Variants in DYNLL2 observed in about 807,000 individuals in gnomAD.
The protein encoded by DYNLL2 is dynein light chain LC8-type 2.
Under a neutral mutation model 9.7 loss-of-function variants are expected in DYNLL2, and 1 was observed. The observed-to-expected ratio is 0.10, with a 90% CI of 0.04 to 0.49. The LOEUF is 0.49. DYNLL2 is among the 20% of genes least tolerant of loss of function. DYNLL2 has a pLI of 0.95. For missense variants in DYNLL2, 37 were observed against 115.2 expected, an observed-to-expected ratio of 0.32 and a Z score of 3.11; for synonymous variants, 35 against 40.5, an observed-to-expected ratio of 0.86 and a Z score of 0.52.
chr17:58,087,212 A>G lies in DYNLL2; in HGVS notation c.122A>G (p.Tyr41Cys), dbSNP rs769699527. The part of the protein sequence containing the change: ...KYNIEKDIAA[Y>C]IKKEFDKKYN... ...AATATAGAGAAGGACATTGCTGCCT[A>G]TATCAAGAAGGTGTGCTGGGAGAGC... The change falls in exon 2 of 3, where the codon TAT (tyrosine) becomes TGT (cysteine). Residue 41 changes from tyrosine to cysteine, a missense_variant. Physicochemically the swap from Tyr to Cys is radical, Grantham distance 194 (BLOSUM62 -2). Transcript: ENST00000579991. 2.5e-6 allele frequency: 4 copies of G among 1,613,986 alleles called. No individual in the cohort carries two copies. The highest frequency in any genetic ancestry group is 2.5e-6 in the Non-Finnish European group (3 of 1,179,966).
At chr17:58,086,992 C>T (rs2075762450) in intron 1 of DYNLL2, 90 bp from the exon 2 acceptor site, 11 of 1,495,654 alleles carry the variant, frequency 7.4e-6, no homozygotes, top group South Asian at 1.2e-5. Context: ...TTCTATACTC[C>T]CCTCTTGCAC....
At position 58,089,728 on chromosome 17, in the gene DYNLL2, G is replaced by A. The variant is rs1193199615; in HGVS notation, c.*449G>A. 1 of 406,402 alleles carries A rather than the reference G, an allele frequency of 2.5e-6. No individual in the cohort carries two copies. The highest frequency in any genetic ancestry group is 4.3e-6 in the Non-Finnish European group (1 of 232,276). The allele number at this position is 406,402 out of a possible 1,614,324, so 25.2% of individuals were successfully genotyped here. On this transcript the variant is annotated 3_prime_UTR_variant, in exon 3 of 3. Transcript: ENST00000579991. ...TTTGGGAGGGCCAGGGAGGCTGCAG[G>A]GGGACAGTGTTGGGATTGTCAAGGA...
Position 58,089,644 on chromosome 17 carries a change from A to T in DYNLL2, c.*365A>T. On this transcript the variant is annotated 3_prime_UTR_variant, in exon 3 of 3. Coordinates refer to ENST00000579991, the MANE Select transcript of DYNLL2 (RefSeq NM_080677.3). ...ACTAGGAGGGCTGAGGAAAAGAAAT[A>T]GGTCTCTGGAGGTGGAACTAAAACT... The T allele has an allele frequency of 2.4e-6, 1 of 420,030 alleles. No homozygotes were observed. The highest frequency in any genetic ancestry group is 4.1e-6 in the Non-Finnish European group (1 of 241,802). 26.0% of individuals were successfully genotyped at this position (420,030 alleles called of 1,614,324 possible). A position where few individuals can be genotyped will look rare whatever the true frequency, so the allele number is the denominator to read the frequency against.
rs1337627979 is a variant in DYNLL2 at position 58,092,957 on chromosome 17, A to C, written c.*3678A>C. 6.6e-6 allele frequency: 1 copy of C among 152,192 alleles called. No homozygotes were observed. Among genetic ancestry groups the C allele is most frequent in the Non-Finnish European group, 1.5e-5 (1 of 68,036 alleles). The allele number at this position is 152,192 out of a possible 1,614,324, so 9.4% of individuals were successfully genotyped here. A position where few individuals can be genotyped will look rare whatever the true frequency, so the allele number is the denominator to read the frequency against. ...ATAGCACCTCTCCCCCATCGCTGTT[A>C]TCCTTACCCAGTTTAATTCCACGTA... On this transcript the variant is annotated 3_prime_UTR_variant, in exon 3 of 3. Transcript: ENST00000579991.
In DYNLL2 at chr17:58,087,033, C is replaced by G. The variant is rs768672869; in HGVS notation, c.-9-49C>G. The G allele has an allele frequency of 2.5e-6, 4 of 1,601,224 alleles. No individual in the cohort carries two copies. The African/African-American group carries it at 4.0e-5, about 16-fold the overall frequency. ...CCCCACACCCAGCAGCTAATGTTCA[C>G]TGCCCAGAGCAAGGAGTTGTCAGCC... On this transcript the variant is annotated intron_variant, in intron 1 of 2. Transcript: ENST00000579991.
chr17:58,085,902 A>C (rs764198657), intron 1 of DYNLL2, among the ~76,000 whole-genome samples: 2 of 152,260 alleles, frequency 1.3e-5, no homozygotes, highest in Non-Finnish European at 2.9e-5. Flanking sequence ...CTAATAGGTC[A>C]GTACTTTTTG....
At position 58,095,411 on chromosome 17, in the gene DYNLL2, A is replaced by G. The variant is rs2075794572; in HGVS notation, c.*6132A>G. The G allele has an allele frequency of 6.6e-6, 1 of 152,246 alleles. No homozygotes were observed. Among genetic ancestry groups the G allele is most frequent in the African/African-American group, 2.4e-5 (1 of 41,462 alleles). 9.4% of individuals were successfully genotyped at this position (152,246 alleles called of 1,614,324 possible). On this transcript the variant is annotated 3_prime_UTR_variant, in exon 3 of 3. Coordinates refer to ENST00000579991, the MANE Select transcript of DYNLL2 (RefSeq NM_080677.3). The stretch of plus-strand genomic sequence containing the variant: ...CATTATTCTAAAGGCACAAAAAGCA[A>G]AAATTCTCCCTCCCACCTCTGTCTT...
chr17:58,090,811 A>G lies in DYNLL2; in HGVS notation c.*1532A>G, dbSNP rs978599647. On this transcript the variant is annotated 3_prime_UTR_variant, in exon 3 of 3. Transcript: ENST00000579991. The stretch of plus-strand genomic sequence containing the variant: ...GCTGATTTTCATGAGTCGCCTTCAA[A>G]ACTCTCGTGTAGGGTTGACAATGTG... 2.7e-5 allele frequency: 4 copies of G among 149,594 alleles called. No homozygotes were observed. Among genetic ancestry groups the G allele is most frequent in the Admixed American group, 2.7e-4 (4 of 15,074 alleles). The allele number at this position is 149,594 out of a possible 1,614,324, so 9.3% of individuals were successfully genotyped here. A position where few individuals can be genotyped will look rare whatever the true frequency, so the allele number is the denominator to read the frequency against.
chr17:58,090,181 A>G lies in DYNLL2; in HGVS notation c.*902A>G. ...TGTAGTTCCTTAGTTAGGTCTTAGC[A>G]ATCAAACCAAATTGATGTCTCCCTT... On this transcript the variant is annotated 3_prime_UTR_variant, in exon 3 of 3. Transcript: ENST00000579991. 1 of 348,906 alleles carries G rather than the reference A, an allele frequency of 2.9e-6. No homozygotes were observed. Among genetic ancestry groups the G allele is most frequent in the Non-Finnish European group, 5.1e-6 (1 of 194,892 alleles). 21.6% of individuals were successfully genotyped at this position (348,906 alleles called of 1,614,324 possible).
chr17:58,089,077 C>T, intron 2 of DYNLL2, 65 bp from the exon 3 acceptor site: 1 of 1,592,792 alleles, frequency 6.3e-7, no homozygotes, highest in Admixed American at 1.7e-5. Context: ...GAGAGACTCC[C>T]ATTCTGATTT....
intron 1 of DYNLL2, among the ~76,000 whole-genome samples, chr17:58,084,736 G>A (rs1220334925): frequency 2.0e-5 from 3 of 152,138 alleles, no homozygotes; most frequent in Non-Finnish European, 4.4e-5. Flanking sequence ...TGGACTTTGG[G>A]AATGAGGCAG....
intron 1 of DYNLL2, among the ~76,000 whole-genome samples, chr17:58,084,316 A>AGT (rs1369383125): frequency 6.6e-6 from 1 of 151,942 alleles, no homozygotes; most frequent in Admixed American, 6.6e-5. Flanking sequence ...GGGAAGTAGA[A>AGT]GTGTGTGTGT....
In DYNLL2 at chr17:58,089,506, T is replaced by C. The variant is rs1034197980; in HGVS notation, c.*227T>C. 2.7e-5 allele frequency: 14 copies of C among 525,246 alleles called. No homozygotes were observed. The highest frequency in any genetic ancestry group is 4.1e-5 in the Non-Finnish European group (13 of 314,264). 32.5% of individuals were successfully genotyped at this position (525,246 alleles called of 1,614,324 possible). On this transcript the variant is annotated 3_prime_UTR_variant, in exon 3 of 3. Transcript: ENST00000579991. ...TGCTTTATGTTTATTTTTCAAGACT[T>C]TAAAAATATTTTTTGGTTGTATTGC... is the stretch of plus-strand genomic sequence containing the variant.
At position 58,091,835 on chromosome 17, in the gene DYNLL2, G is replaced by A. The variant is rs1033531979; in HGVS notation, c.*2556G>A. Reference sequence around the variant, plus strand: ...CTGCAATTCTCTTGGAGGTGTTAGGGAGCCAGAGGTGCTTTGCCCTCTTTG... The same window carrying A: ...CTGCAATTCTCTTGGAGGTGTTAGGAAGCCAGAGGTGCTTTGCCCTCTTTG... On this transcript the variant is annotated 3_prime_UTR_variant, in exon 3 of 3. Transcript: ENST00000579991. 6.6e-6 allele frequency: 1 copy of A among 152,146 alleles called. No individual in the cohort carries two copies. Among genetic ancestry groups the A allele is most frequent in the Admixed American group, 6.5e-5 (1 of 15,278 alleles). The allele number at this position is 152,146 out of a possible 1,614,324, so 9.4% of individuals were successfully genotyped here.
chr17:58,089,081 C>T lies in DYNLL2; in HGVS notation c.133-61C>T. 9 of 1,600,960 alleles carry T rather than the reference C, an allele frequency of 5.6e-6. No individual in the cohort carries two copies. In the South Asian group the frequency reaches 9.9e-5, roughly 18 times the overall value. ...GGAGTTGCAGGGAGAGACTCCCATT[C>T]TGATTTCTCCTTCTCCAGCTACCCT... On this transcript the variant is annotated intron_variant, in intron 2 of 2. Transcript: ENST00000579991.
Position 58,089,342 on chromosome 17 carries a change from C to T in DYNLL2, c.*63C>T. 2.5e-6 allele frequency: 4 copies of T among 1,583,134 alleles called. No individual in the cohort carries two copies. Among genetic ancestry groups the T allele is most frequent in the Non-Finnish European group, 3.4e-6 (4 of 1,161,454 alleles). ...TGGCAAGCAGGCGGCGTTGCTGGGA[C>T]TGTTTTGCACTGGAGCCAGCATCAG... On this transcript the variant is annotated 3_prime_UTR_variant, in exon 3 of 3. Coordinates refer to ENST00000579991, the MANE Select transcript of DYNLL2 (RefSeq NM_080677.3).
At position 58,091,394 on chromosome 17, in the gene DYNLL2, T is replaced by C. The variant is rs1159766992; in HGVS notation, c.*2115T>C. ...AGCAGCACTTATTTGTGCCTAGGCT[T>C]ATGCCCCTTAAGTAGAGGAAAACTA... is the stretch of plus-strand genomic sequence containing the variant. On this transcript the variant is annotated 3_prime_UTR_variant, in exon 3 of 3. Coordinates refer to ENST00000579991, the MANE Select transcript of DYNLL2 (RefSeq NM_080677.3). 1 of 152,056 alleles carries C rather than the reference T, an allele frequency of 6.6e-6. No homozygotes were observed. The highest frequency in any genetic ancestry group is 2.4e-5 in the African/African-American group (1 of 41,296). The allele number at this position is 152,056 out of a possible 1,614,324, so 9.4% of individuals were successfully genotyped here.
intron 1 of DYNLL2, among the ~76,000 whole-genome samples, chr17:58,084,983 A>G (rs774525500): frequency 1.3e-5 from 2 of 152,128 alleles, no homozygotes; most frequent in Non-Finnish European, 2.9e-5. Flanking sequence ...AGTTTACCCC[A>G]TTTATCTCAT....
At chr17:58,085,586 C>T (rs2075757101) in intron 1 of DYNLL2, among the ~76,000 whole-genome samples, 1 of 152,152 alleles carries the variant, frequency 6.6e-6, no homozygotes, top group Non-Finnish European at 1.5e-5. Flanking sequence ...GGCTCATCCC[C>T]TCTGTTCCTG....
Sources: gnomAD v4.1 joint callset for allele counts (sites outside exome capture counted in the v4.1 genomes callset) on GRCh38, gnomAD v4.1.1 for gene constraint, MANE v1.5 for transcripts, NCBI Gene and HGNC (gene_info 2026-07-23, HGNC 2026-07-21) for gene names.